CPA6: variants seen among roughly 807,000 people sequenced by gnomAD.
CPA6 encodes carboxypeptidase B.
Under a neutral mutation model 63.3 loss-of-function variants are expected in CPA6, and 58 were observed. The observed-to-expected ratio is 0.92, with a 90% CI of 0.74 to 1.14. CPA6 has a LOEUF of 1.14. CPA6 is among the 50% of genes most tolerant of loss of function. CPA6 has a pLI of 0.00. For missense variants in CPA6, 565 were observed against 526.6 expected, an observed-to-expected ratio of 1.07 and a Z score of -0.71; for synonymous variants, 185 against 179.0, an observed-to-expected ratio of 1.03 and a Z score of -0.27.
rs187267628 is a variant in CPA6, at chr8:67,733,064, C to T, written c.116+12950G>A. ...ACAAAAAATTAGCCAGGTGTGGTGG[C>T]GGGCACCTGTAGTCCCAGCTACTCG... On this transcript the variant is annotated intron_variant, in intron 1 of 10. Transcript: ENST00000297770. Among the ~76,000 whole-genome samples, 1,228 of 151,626 alleles carry T rather than the reference C, an allele frequency of 8.1e-3. 18 individuals carry two copies. Among genetic ancestry groups the T allele is most frequent in the African/African-American group, 0.028 (1,149 of 41,294 alleles).
At chr8:67,667,953 A>G (rs1000373083) in intron 1 of CPA6, among the ~76,000 whole-genome samples, 1 of 152,254 alleles carries the variant, frequency 6.6e-6, no homozygotes, top group Non-Finnish European at 1.5e-5. Flanking sequence ...TCTAGCCAGC[A>G]GTAGCCACGG....
intron 6 of CPA6, among the ~76,000 whole-genome samples, chr8:67,506,322 T>A (rs372592273): frequency 2.6e-4 from 39 of 152,188 alleles, no homozygotes; most frequent in African/African-American, 8.7e-4. Context: ...GTATCTAAAT[T>A]ACAGACCTAT....
chr8:67,643,731 A>G (rs1485002139), intron 1 of CPA6, among the ~76,000 whole-genome samples: 1 of 152,198 alleles, frequency 6.6e-6, no homozygotes, highest in Admixed American at 6.5e-5. Context: ...ATTATTTGTT[A>G]AAACTTGCAT....
At chr8:67,689,444 G>A (rs1816773628) in intron 1 of CPA6, among the ~76,000 whole-genome samples, 1 of 152,112 alleles carries the variant, frequency 6.6e-6, no homozygotes, top group Non-Finnish European at 1.5e-5. Context: ...CACTCCAGTG[G>A]TTCCCAGTGT....
At chr8:67,662,636 C>A (rs1046823763) in intron 1 of CPA6, among the ~76,000 whole-genome samples, 2 of 150,928 alleles carry the variant, frequency 1.3e-5, no homozygotes, top group Non-Finnish European at 2.9e-5. Flanking sequence ...AATACATACA[C>A]ACATGTATAT....
At chr8:67,518,691 A>G (rs149947199) in intron 2 of CPA6, among the ~76,000 whole-genome samples, 1,656 of 150,872 alleles carry the variant, frequency 0.011, 37 homozygotes, top group African/African-American at 0.037. Flanking sequence ...ATTTTTTTTT[A>G]GTAGAGACAG....
intron 2 of CPA6, among the ~76,000 whole-genome samples, chr8:67,572,423 A>G (rs753994586): frequency 6.6e-6 from 1 of 152,212 alleles, no homozygotes; most frequent in Non-Finnish European, 1.5e-5. Flanking sequence ...GGAGCCTATT[A>G]TAAAGCCAGA....
At chr8:67,454,294 A>G (rs1347288208) in intron 8 of CPA6, among the ~76,000 whole-genome samples, 2 of 152,202 alleles carry the variant, frequency 1.3e-5, no homozygotes, top group Non-Finnish European at 2.9e-5. Context: ...ACAGCTCACA[A>G]ATACTGTTGA....
At chr8:67,707,505 T>C (rs1022528731) in intron 1 of CPA6, among the ~76,000 whole-genome samples, 5 of 152,262 alleles carry the variant, frequency 3.3e-5, no homozygotes, top group African/African-American at 1.2e-4. Flanking sequence ...TATGGCAATA[T>C]AGTTATTTGC....
chr8:67,733,756 TG>T (rs1014017032), intron 1 of CPA6, among the ~76,000 whole-genome samples: 2 of 90,462 alleles, frequency 2.2e-5, no homozygotes, highest in Admixed American at 2.5e-4. Context: ...TGGAAAGGAG[TG>T]GGGGGCGGTG....
intron 1 of CPA6, among the ~76,000 whole-genome samples, chr8:67,692,682 GC>G (rs1563395715): frequency 2.0e-5 from 3 of 152,270 alleles, no homozygotes; most frequent in African/African-American, 7.2e-5. Flanking sequence ...CAGAAGTGCT[GC>G]CCTTTAACTG....
intron 1 of CPA6, among the ~76,000 whole-genome samples, chr8:67,699,461 G>C (rs539541446): frequency 2.7e-4 from 41 of 151,602 alleles, no homozygotes; most frequent in Admixed American, 7.2e-4. Flanking sequence ...ACAGGAGGGG[G>C]GGATGTTACC....
chr8:67,500,635 T>A (rs1811812676), intron 6 of CPA6, among the ~76,000 whole-genome samples: 1 of 152,140 alleles, frequency 6.6e-6, no homozygotes, highest in African/African-American at 2.4e-5. Context: ...GAAGATTTTC[T>A]TCTATGCTTT....
chr8:67,509,498 A>G lies in CPA6; in HGVS notation c.534+19T>C, dbSNP rs2128965308. The G allele has an allele frequency of 9.1e-7, 1 of 1,093,378 alleles. No individual in the cohort carries two copies. The highest frequency in any genetic ancestry group is 1.4e-6 in the Non-Finnish European group (1 of 721,158). The allele number at this position is 1,093,378 out of a possible 1,614,324, so 67.7% of individuals were successfully genotyped here. A position where few individuals can be genotyped will look rare whatever the true frequency, so the allele number is the denominator to read the frequency against. On this transcript the variant is annotated intron_variant, in intron 5 of 10. Coordinates refer to ENST00000297770, the MANE Select transcript of CPA6 (RefSeq NM_020361.5). ...TTTGGTAAACATTATGTATTTACAC[A>G]GCAATTGCTTATTTTTACCTTTAAA...
chr8:67,461,606 C>T (rs187779017), intron 8 of CPA6, among the ~76,000 whole-genome samples: 1 of 152,190 alleles, frequency 6.6e-6, no homozygotes, highest in Non-Finnish European at 1.5e-5. Flanking sequence ...GGTGGCCAGG[C>T]AGAGGGTCTC....
chr8:67,665,165 C>T (rs1022498966), intron 1 of CPA6, among the ~76,000 whole-genome samples: 2 of 152,188 alleles, frequency 1.3e-5, no homozygotes, highest in African/African-American at 2.4e-5. Flanking sequence ...TCTATTTCTT[C>T]ACGGGAAAAA....
At chr8:67,480,794 T>G (rs2128960827) in intron 8 of CPA6, among the ~76,000 whole-genome samples, 1 of 152,328 alleles carries the variant, frequency 6.6e-6, no homozygotes, top group Non-Finnish European at 1.5e-5. Context: ...CCAGCAAGTA[T>G]GAATGTCCCA....
At chr8:67,677,845 G>A (rs1816509628) in intron 1 of CPA6, among the ~76,000 whole-genome samples, 1 of 151,254 alleles carries the variant, frequency 6.6e-6, no homozygotes, top group South Asian at 2.1e-4. Context: ...GTAGCTTGTA[G>A]GTCTAAATGG....
chr8:67,492,331 G>GA (rs910915559), intron 6 of CPA6, among the ~76,000 whole-genome samples: 45 of 150,590 alleles, frequency 3.0e-4, no homozygotes, highest in Non-Finnish European at 5.9e-4. Flanking sequence ...AAGTACAAAG[G>GA]AAAAAAAAAT....
Sources: gnomAD v4.1 joint callset for allele counts (sites outside exome capture counted in the v4.1 genomes callset) on GRCh38, gnomAD v4.1.1 for gene constraint, MANE v1.5 for transcripts, NCBI Gene and HGNC (gene_info 2026-07-23, HGNC 2026-07-21) for gene names.